The following CENPU variants were observed in gnomAD, a reference collection of about 807,000 sequenced individuals.
The protein encoded by CENPU is centromere protein U.
In CENPU, 46 loss-of-function variants were observed where a neutral mutation model predicts 56.7. That is an observed-to-expected ratio of 0.81 (90% CI 0.64 to 1.04). The LOEUF is 1.04. CENPU is among the 50% of genes least tolerant of loss of function. The probability of loss-of-function intolerance (pLI) is 0.00; values close to 1 mark genes in which losing one functional copy is unlikely to be tolerated. For synonymous variants in CENPU, 166 were observed against 163.0 expected, an observed-to-expected ratio of 1.02 and a Z score of -0.14; for missense variants, 510 against 490.1, an observed-to-expected ratio of 1.04 and a Z score of -0.38.
rs566662403 is a variant in CENPU, at chr4:184,701,350, A to C, written c.925-469T>G. 4.6e-5 allele frequency among the ~76,000 whole-genome samples: 7 copies of C among 152,336 alleles called. No homozygotes were observed. In the South Asian group the frequency reaches 1.4e-3, roughly 32 times the overall value. Reference sequence around the variant, plus strand: ...TTCATAATGTTCCCACTCCGTAATAAGCAATGCAGAAATGACCAATAAGAG... The same window carrying C: ...TTCATAATGTTCCCACTCCGTAATACGCAATGCAGAAATGACCAATAAGAG... On this transcript the variant is annotated intron_variant, in intron 10 of 12. Transcript: ENST00000281453.
At chr4:184,722,435 C>T (rs1761312062) in intron 4 of CENPU, among the ~76,000 whole-genome samples, 1 of 151,866 alleles carries the variant, frequency 6.6e-6, no homozygotes, top group South Asian at 2.1e-4. Context: ...TTGCTTTTAA[C>T]AAGTAGCTCT....
At chr4:184,722,030 C>A (rs1449777731) in intron 4 of CENPU, among the ~76,000 whole-genome samples, 3 of 152,116 alleles carry the variant, frequency 2.0e-5, no homozygotes, top group African/African-American at 7.2e-5. Flanking sequence ...TTTTTAAAAA[C>A]CGAAATATCA....
intron 8 of CENPU, among the ~76,000 whole-genome samples, chr4:184,704,086 CTT>C (rs368391994): frequency 0.18 from 26,876 of 147,258 alleles, 2,675 homozygotes; most frequent in African/African-American, 0.27. Flanking sequence ...CATACTTCAT[CTT>C]TTTTTTTTTT....
In CENPU at chr4:184,708,178, G is replaced by A. The variant is rs148603817; in HGVS notation, c.797+1894C>T. Among the ~76,000 whole-genome samples, 291 of 142,012 alleles carry A rather than the reference G, an allele frequency of 2.0e-3. 7 individuals are homozygous for A. The East Asian group carries it at 0.056, about 27-fold the overall frequency. 93.2% of individuals were successfully genotyped at this position (142,012 alleles called of 152,430 possible). On this transcript the variant is annotated intron_variant, in intron 8 of 12. Transcript: ENST00000281453. ...GGTGGAAGTTGCAGGGACTGAGATC[G>A]CGCTACGGCACTCTAGCCTGGGTGA...
rs756795709 is a variant in CENPU, at chr4:184,716,519, G to C, written c.496C>G (p.Arg166Gly). Residue 166 changes from arginine to glycine, a missense_variant, in exon 6 of 13, where the codon CGA becomes GGA. Physicochemically the swap from Arg to Gly is moderately radical, Grantham distance 125. Coordinates refer to ENST00000281453, the MANE Select transcript of CENPU (RefSeq NM_024629.4). Reference protein sequence around the residue: ...KISTQRHEVIRTTASSELSEK... With the variant: ...KISTQRHEVIGTTASSELSEK... Reference sequence around the variant, plus strand: ...GAAAGTTCTGAAGACGCTGTGGTTCGAATAACCTCATGACGTTGTGTACTT... The same window carrying C: ...GAAAGTTCTGAAGACGCTGTGGTTCCAATAACCTCATGACGTTGTGTACTT... The C allele has an allele frequency of 1.2e-6, 2 of 1,614,110 alleles. No individual in the cohort carries two copies. Among genetic ancestry groups the C allele is most frequent in the East Asian group, 2.2e-5 (1 of 44,868 alleles).
Position 184,694,634 on chromosome 4 carries a change from G to C in CENPU, c.*654C>G, listed in dbSNP as rs1321546499. On this transcript the variant is annotated 3_prime_UTR_variant, in exon 13 of 13. Transcript: ENST00000281453. ...ACAGGTGCATCTGCTGATGCTGTCT[G>C]GGATAATGGCATTGATGATGCTTAT... 1 of 1,614,182 alleles carries C rather than the reference G, an allele frequency of 6.2e-7. No individual in the cohort carries two copies. The highest frequency in any genetic ancestry group is 1.7e-5 in the Admixed American group (1 of 60,032).
At chr4:184,707,816 C>A (rs934215942) in intron 8 of CENPU, among the ~76,000 whole-genome samples, 18 of 152,306 alleles carry the variant, frequency 1.2e-4, no homozygotes, top group African/African-American at 3.4e-4. Flanking sequence ...ATATCCGAAA[C>A]CTTACCAGAA....
chr4:184,696,365 G>C (rs1315133509), intron 12 of CENPU, among the ~76,000 whole-genome samples: 8 of 152,146 alleles, frequency 5.3e-5, no homozygotes, highest in Admixed American at 5.2e-4. Context: ...AGAAGGCATT[G>C]AGCTCACTCT....
At position 184,716,373 on chromosome 4, in the gene CENPU, C is replaced by T. The variant is rs769881491; in HGVS notation, c.618+24G>A. ...TTTTCAATAAACTTTTTTTGCCCTC[C>T]TAGGGGATGGCAGACGTTCTTACCG... is the stretch of plus-strand genomic sequence containing the variant. On this transcript the variant is annotated intron_variant, in intron 6 of 12. Transcript: ENST00000281453. The T allele has an allele frequency of 1.9e-6, 3 of 1,569,342 alleles. No individual in the cohort carries two copies. The South Asian group carries it at 3.4e-5, about 18-fold the overall frequency.
chr4:184,730,878 CTGT>C, intron 2 of CENPU, 39 bp downstream of exon 2: 1 of 1,500,468 alleles, frequency 6.7e-7, no homozygotes, highest in Non-Finnish European at 9.0e-7. Context: ...TTATTTTGTA[CTGT>C]CAATTTTGAG....
Position 184,694,614 on chromosome 4 carries a change from T to C in CENPU, c.*674A>G. ...CATCACCTAGCAGGCTGTCAACAGG[T>C]GCATCTGCTGATGCTGTCTGGGATA... On this transcript the variant is annotated 3_prime_UTR_variant, in exon 13 of 13. Transcript: ENST00000281453. 6.2e-7 allele frequency: 1 copy of C among 1,613,838 alleles called. No homozygotes were observed. Among genetic ancestry groups the C allele is most frequent in the South Asian group, 1.1e-5 (1 of 91,074 alleles).
At chr4:184,703,661 G>A (rs1304410124) in intron 8 of CENPU, among the ~76,000 whole-genome samples, 1 of 152,106 alleles carries the variant, frequency 6.6e-6, no homozygotes. Flanking sequence ...TCCTCTTCTA[G>A]GTACATACAC....
intron 8 of CENPU, among the ~76,000 whole-genome samples, chr4:184,702,916 T>C (rs1333389052): frequency 6.6e-6 from 1 of 152,224 alleles, no homozygotes; most frequent in East Asian, 1.9e-4. Context: ...TTCTTTTTTA[T>C]AGCTGTGTAG....
intron 8 of CENPU, among the ~76,000 whole-genome samples, chr4:184,703,538 T>C (rs1207327850): frequency 6.6e-6 from 1 of 152,120 alleles, no homozygotes; most frequent in African/African-American, 2.4e-5. Flanking sequence ...AACCCTTGTG[T>C]TGCTGGTGGA....
chr4:184,718,831 G>A (rs901923203), intron 4 of CENPU, among the ~76,000 whole-genome samples: 1 of 152,214 alleles, frequency 6.6e-6, no homozygotes, highest in African/African-American at 2.4e-5. Flanking sequence ...ACTGACACTA[G>A]ATGAGAAGGA....
At chr4:184,727,784 T>C (rs187437576) in intron 3 of CENPU, among the ~76,000 whole-genome samples, 70 of 152,340 alleles carry the variant, frequency 4.6e-4, no homozygotes, top group Non-Finnish European at 7.8e-4. Flanking sequence ...AGCTGCGGTA[T>C]ATCCAAACAA....
In CENPU at chr4:184,694,413, G is replaced by T; in HGVS notation, c.*875C>A. Reference sequence around the variant, plus strand: ...GCATTCCTCCTGCATATTCACTTTAGTATCTGTCACTTAATACCTTACTTC... The same window carrying T: ...GCATTCCTCCTGCATATTCACTTTATTATCTGTCACTTAATACCTTACTTC... On this transcript the variant is annotated 3_prime_UTR_variant, in exon 13 of 13. Coordinates refer to ENST00000281453, the MANE Select transcript of CENPU (RefSeq NM_024629.4). 6.9e-7 allele frequency: 1 copy of T among 1,449,656 alleles called. No homozygotes were observed. Among genetic ancestry groups the T allele is most frequent in the Non-Finnish European group, 9.1e-7 (1 of 1,100,804 alleles). 89.8% of individuals were successfully genotyped at this position (1,449,656 alleles called of 1,614,324 possible). A position where few individuals can be genotyped will look rare whatever the true frequency, so the allele number is the denominator to read the frequency against.
intron 1 of CENPU, among the ~76,000 whole-genome samples, chr4:184,732,622 G>GC (rs1761689160): frequency 1.3e-5 from 2 of 151,606 alleles, no homozygotes; most frequent in Admixed American, 6.6e-5. Flanking sequence ...CTTTCTTGGG[G>GC]GGGAAAAAAA....
intron 3 of CENPU, among the ~76,000 whole-genome samples, chr4:184,727,070 C>T (rs1412926587): frequency 1.4e-5 from 2 of 146,512 alleles, no homozygotes; most frequent in East Asian, 2.0e-4. Context: ...GAGCCGAGAT[C>T]GCGCCACTGC....
Sources: gnomAD v4.1 joint callset for allele counts (sites outside exome capture counted in the v4.1 genomes callset) on GRCh38, gnomAD v4.1.1 for gene constraint, MANE v1.5 for transcripts, NCBI Gene and HGNC (gene_info 2026-07-23, HGNC 2026-07-21) for gene names.